The following CNBD1 variants were observed in gnomAD, a reference collection of about 807,000 sequenced individuals.
The protein encoded by CNBD1 is cyclic nucleotide-binding domain-containing protein 1.
In CNBD1, 71 loss-of-function variants were observed where a neutral mutation model predicts 54.4. The observed-to-expected ratio is 1.30, with a 90% CI of 1.08 to 1.59. The LOEUF (loss-of-function observed/expected upper bound fraction) is 1.59. Among genes scored for constraint, CNBD1 ranks in the 40% most tolerant of loss-of-function variants. The pLI is 0.00. For missense variants in CNBD1, 659 were observed against 518.0 expected, an observed-to-expected ratio of 1.27 and a Z score of -2.64; for synonymous variants, 182 against 170.7, an observed-to-expected ratio of 1.07 and a Z score of -0.51.
intron 4 of CNBD1, among the ~76,000 whole-genome samples, chr8:87,161,899 T>C (rs1176404653): frequency 6.6e-6 from 1 of 152,152 alleles, no homozygotes; most frequent in Non-Finnish European, 1.5e-5. Flanking sequence ...CAATCTTAGA[T>C]TCTTATTTTT....
intron 8 of CNBD1, among the ~76,000 whole-genome samples, chr8:87,331,617 A>G (rs1809833981): frequency 1.3e-5 from 2 of 152,198 alleles, no homozygotes; most frequent in Admixed American, 1.3e-4. Context: ...TTCTAGTTCT[A>G]GATCCTTAAA....
intron 4 of CNBD1, among the ~76,000 whole-genome samples, chr8:87,193,352 ATTT>A (rs1813651561): frequency 6.6e-6 from 1 of 152,200 alleles, no homozygotes; most frequent in South Asian, 2.1e-4. Context: ...TTGATTTAGT[ATTT>A]TTAATTGTAC....
chr8:86,880,456 T>TA (rs1371963819), intron 1 of CNBD1, among the ~76,000 whole-genome samples: 1 of 152,234 alleles, frequency 6.6e-6, no homozygotes, highest in Admixed American at 6.5e-5. Flanking sequence ...AGAGAAGATT[T>TA]ATACTATATG....
At chr8:87,324,232 A>C (rs1034015508) in intron 8 of CNBD1, among the ~76,000 whole-genome samples, 2 of 127,550 alleles carry the variant, frequency 1.6e-5, no homozygotes, top group African/African-American at 5.9e-5. Flanking sequence ...TTTTTGCATC[A>C]ATGTTCATCA....
chr8:87,329,041 G>T (rs1809755062), intron 8 of CNBD1, among the ~76,000 whole-genome samples: 1 of 129,310 alleles, frequency 7.7e-6, no homozygotes. Flanking sequence ...TCTCCTAGGA[G>T]TTTTATTTTT....
At chr8:87,244,134 C>T (rs1163151665) in intron 6 of CNBD1, among the ~76,000 whole-genome samples, 1 of 152,048 alleles carries the variant, frequency 6.6e-6, no homozygotes, top group Admixed American at 6.6e-5. Flanking sequence ...AGAGATGAGA[C>T]ATCAATCAAC....
At chr8:87,013,796 G>A (rs1328899803) in intron 4 of CNBD1, among the ~76,000 whole-genome samples, 1 of 151,656 alleles carries the variant, frequency 6.6e-6, no homozygotes, top group Non-Finnish European at 1.5e-5. Flanking sequence ...TTAATTGGCA[G>A]TTAAATGTTT....
intron 5 of CNBD1, among the ~76,000 whole-genome samples, chr8:87,225,883 G>A (rs1814474406): frequency 2.0e-5 from 3 of 148,026 alleles, no homozygotes; most frequent in Admixed American, 6.7e-5. Flanking sequence ...ACTCTTTTTG[G>A]TTGGTAAGCT....
intron 4 of CNBD1, among the ~76,000 whole-genome samples, chr8:87,164,245 C>T (rs1378662436): frequency 2.0e-5 from 3 of 151,818 alleles, no homozygotes; most frequent in Non-Finnish European, 1.5e-5. Flanking sequence ...GTGGTAATGG[C>T]CTGTAATTTT....
chr8:87,425,359 T>G (rs1808026833), intron 2 of CNBD1, among the ~76,000 whole-genome samples: 1 of 152,232 alleles, frequency 6.6e-6, no homozygotes, highest in Non-Finnish European at 1.5e-5. Context: ...CCGTTGCTGG[T>G]GAGGAGCTGC....
chr8:87,096,215 C>G (rs1429178314), intron 4 of CNBD1, among the ~76,000 whole-genome samples: 3 of 152,132 alleles, frequency 2.0e-5, no homozygotes, highest in Non-Finnish European at 2.9e-5. Context: ...TTTCACAATT[C>G]TGGAGACTGG....
chr8:86,926,222 C>G lies in CNBD1; in HGVS notation c.273-13374C>G, dbSNP rs988456403. Among the ~76,000 whole-genome samples, 4 of 152,208 alleles carry G rather than the reference C, an allele frequency of 2.6e-5. No individual in the cohort carries two copies. In the East Asian group the frequency reaches 7.7e-4, roughly 29 times the overall value. The stretch of plus-strand genomic sequence containing the variant: ...GGCCTCACCTCTCAATCTCCCCTCT[C>G]AACTGCTGTTGAGAACTGGGCAATG... On this transcript the variant is annotated intron_variant, in intron 3 of 10. Transcript: ENST00000518476.
At chr8:87,419,240 A>T (rs1369233078) in intron 2 of CNBD1, among the ~76,000 whole-genome samples, 4 of 151,976 alleles carry the variant, frequency 2.6e-5, no homozygotes, top group Admixed American at 2.6e-4. Context: ...GAATAGGCAA[A>T]CATGTCTAGA....
At chr8:87,422,506 C>T (rs1586093404) in intron 2 of CNBD1, among the ~76,000 whole-genome samples, 2 of 151,704 alleles carry the variant, frequency 1.3e-5, no homozygotes, top group South Asian at 4.1e-4. Flanking sequence ...AGCCAGTTTT[C>T]CCAGCACCAT....
In CNBD1 at chr8:87,087,297, T is replaced by A. The variant is rs993185233; in HGVS notation, c.432-118696T>A. Among the ~76,000 whole-genome samples, 3 of 145,564 alleles carry A rather than the reference T, an allele frequency of 2.1e-5. No individual in the cohort carries two copies. In the Admixed American group the frequency reaches 2.1e-4, roughly 10 times the overall value. ...TACGTATATATATATATATATTTTT[T>A]ATTGCCCAATACATATAAAACACCA... On this transcript the variant is annotated intron_variant, in intron 4 of 10. Coordinates refer to ENST00000518476, the MANE Select transcript of CNBD1 (RefSeq NM_173538.3).
At chr8:86,917,041 A>G (rs6993319) in intron 3 of CNBD1, among the ~76,000 whole-genome samples, 141,822 of 152,086 alleles carry the variant, frequency 0.93, 66,227 homozygotes, top group East Asian at 1. Flanking sequence ...CAGCTAATTT[A>G]TGTATTTTTT....
At chr8:86,994,741 C>A (rs767619309) in intron 4 of CNBD1, among the ~76,000 whole-genome samples, 10 of 151,960 alleles carry the variant, frequency 6.6e-5, no homozygotes, top group South Asian at 2.1e-4. Flanking sequence ...GTGTGTGTCG[C>A]TTCTCCGTCA....
chr8:87,261,311 C>T (rs2130848879), intron 6 of CNBD1, among the ~76,000 whole-genome samples: 1 of 152,174 alleles, frequency 6.6e-6, no homozygotes, highest in Non-Finnish European at 1.5e-5. Flanking sequence ...ATGGGTCCTG[C>T]AGGTACCTTG....
At chr8:86,920,635 G>A (rs1809256004) in intron 3 of CNBD1, among the ~76,000 whole-genome samples, 1 of 152,170 alleles carries the variant, frequency 6.6e-6, no homozygotes, top group Non-Finnish European at 1.5e-5. Flanking sequence ...TGTTGGGAAT[G>A]TTTCTCATGG....
Sources: allele counts gnomAD v4.1 joint callset (sites outside exome capture counted in the v4.1 genomes callset), GRCh38; gene constraint gnomAD v4.1.1; transcripts MANE v1.5; gene names NCBI Gene and HGNC (gene_info 2026-07-23, HGNC 2026-07-21).